SLIT3: variants seen among roughly 807,000 people sequenced by gnomAD.
SLIT3 encodes the protein slit homolog 3 protein.
A neutral mutation model predicts 184.0 loss-of-function variants in SLIT3; 68 were observed. The ratio of observed to expected loss-of-function variants is 0.37; its 90% CI spans 0.30 to 0.45. The LOEUF is 0.45. SLIT3 is among the 20% of genes least tolerant of loss of function. The probability of loss-of-function intolerance (pLI) is 1.00; values close to 1 mark genes in which losing one functional copy is unlikely to be tolerated. For missense variants in SLIT3, 1,707 were observed against 2,026.0 expected (o/e 0.84, Z 3.02); for synonymous variants, 831 against 828.6 (o/e 1.00, Z -0.05).
intron 4 of SLIT3, among the ~76,000 whole-genome samples, chr5:168,909,513 C>G (rs539517194): frequency 6.6e-6 from 1 of 152,226 alleles, no homozygotes; most frequent in East Asian, 1.9e-4. Context: ...ACACTAAGGC[C>G]CCTGTGTCCA....
intron 8 of SLIT3, among the ~76,000 whole-genome samples, chr5:168,811,258 T>C (rs2113643250): frequency 6.6e-6 from 1 of 152,304 alleles, no homozygotes; most frequent in South Asian, 2.1e-4. Context: ...CAATGTGTAC[T>C]ATGTGCCAGA....
chr5:168,873,321 T>C (rs1244999201), intron 5 of SLIT3, among the ~76,000 whole-genome samples: 1 of 152,080 alleles, frequency 6.6e-6, no homozygotes, highest in African/African-American at 2.4e-5. Flanking sequence ...GCAAGACTGT[T>C]GCAGTAATTA....
intron 6 of SLIT3, among the ~76,000 whole-genome samples, chr5:168,834,790 T>C (rs1324472407): frequency 5.4e-5 from 8 of 148,782 alleles, no homozygotes; most frequent in Non-Finnish European, 1.2e-4. Context: ...AAAGACACTG[T>C]TTAAACATTC....
intron 27 of SLIT3, among the ~76,000 whole-genome samples, chr5:168,697,403 G>C (rs1342766840): frequency 6.6e-6 from 1 of 152,238 alleles, no homozygotes; most frequent in Non-Finnish European, 1.5e-5. Flanking sequence ...GGTTAGAACA[G>C]ATAAAGGCCA....
At chr5:168,887,026 T>TTATTGC (rs61239597) in intron 4 of SLIT3, among the ~76,000 whole-genome samples, 69,549 of 151,384 alleles carry the variant, frequency 0.46, 16,710 homozygotes, top group Non-Finnish European at 0.53. Flanking sequence ...CGCAAATTTA[T>TTATTGC]TATTGCTTCA....
At chr5:168,977,186 G>T (rs1223692232) in intron 4 of SLIT3, among the ~76,000 whole-genome samples, 1 of 152,162 alleles carries the variant, frequency 6.6e-6, no homozygotes, top group African/African-American at 2.4e-5. Flanking sequence ...TGATAATGAT[G>T]GGGGGATGGG....
chr5:168,820,808 T>A (rs1168092616), intron 7 of SLIT3, among the ~76,000 whole-genome samples: 1 of 152,222 alleles, frequency 6.6e-6, no homozygotes. Context: ...AAATTAAATT[T>A]CCAGCAAATC....
At chr5:168,948,327 G>A (rs1216777835) in intron 4 of SLIT3, among the ~76,000 whole-genome samples, 1 of 152,120 alleles carries the variant, frequency 6.6e-6, no homozygotes, top group Non-Finnish European at 1.5e-5. Flanking sequence ...GGATTTTTGG[G>A]TTCAGAGGAG....
At chr5:169,054,490 C>G (rs1238016958) in intron 4 of SLIT3, among the ~76,000 whole-genome samples, 1 of 152,128 alleles carries the variant, frequency 6.6e-6, no homozygotes, top group Non-Finnish European at 1.5e-5. Context: ...CTATTACACC[C>G]CTCTTGTCCA....
intron 4 of SLIT3, among the ~76,000 whole-genome samples, chr5:169,082,095 A>G (rs1428826203): frequency 6.6e-6 from 1 of 152,188 alleles, no homozygotes; most frequent in African/African-American, 2.4e-5. Flanking sequence ...AAGGAAAACA[A>G]CTCGGAGAGG....
chr5:168,797,414 A>G (rs1185063313), intron 9 of SLIT3, among the ~76,000 whole-genome samples: 1 of 152,228 alleles, frequency 6.6e-6, no homozygotes, highest in East Asian at 1.9e-4. Context: ...GTCTGTAACA[A>G]CGGCAATCCC....
chr5:168,683,890 C>A (rs1406775679), intron 32 of SLIT3, 76 bp downstream of exon 32: 29 of 1,335,516 alleles, frequency 2.2e-5, no homozygotes, highest in Non-Finnish European at 2.8e-5. Context: ...CCTGAATCCC[C>A]CTTCTGAGTT....
intron 4 of SLIT3, among the ~76,000 whole-genome samples, chr5:168,985,019 C>T (rs62378592): frequency 0.05 from 7,573 of 152,220 alleles, 213 homozygotes; most frequent in Non-Finnish European, 0.057. Flanking sequence ...AACAAGAAAC[C>T]GGTAAGGGAG....
In SLIT3 at chr5:168,749,389, G is replaced by C; in HGVS notation, c.2137+83C>G. 3 of 1,501,024 alleles carry C rather than the reference G, an allele frequency of 2.0e-6. No homozygotes were observed. In the South Asian group the frequency reaches 3.6e-5, roughly 18 times the overall value. 93.0% of individuals were successfully genotyped at this position (1,501,024 alleles called of 1,614,324 possible). On this transcript the variant is annotated intron_variant, in intron 19 of 35. Coordinates refer to ENST00000519560, the MANE Select transcript of SLIT3 (RefSeq NM_003062.4). Reference sequence around the variant, plus strand: ...CAAAGCAAAGTGGAATTGGATCTCAGGGAGTATCTGATTGTGCATCTTCGC... The same window carrying C: ...CAAAGCAAAGTGGAATTGGATCTCACGGAGTATCTGATTGTGCATCTTCGC...
chr5:169,055,884 T>G (rs1302385633), intron 4 of SLIT3, among the ~76,000 whole-genome samples: 1 of 151,218 alleles, frequency 6.6e-6, no homozygotes, highest in South Asian at 2.1e-4. Flanking sequence ...AAGTAGACAG[T>G]GTTCAAAACA....
At chr5:169,217,130 TAAAAAA>T (rs55757348) in intron 3 of SLIT3, among the ~76,000 whole-genome samples, 6 of 126,934 alleles carry the variant, frequency 4.7e-5, no homozygotes, top group African/African-American at 1.2e-4. Context: ...TTGAGTAGGT[TAAAAAA>T]AAAAAAAAAA....
chr5:169,026,080 T>C (rs979341756), intron 4 of SLIT3, among the ~76,000 whole-genome samples: 2 of 152,136 alleles, frequency 1.3e-5, no homozygotes, highest in African/African-American at 4.8e-5. Context: ...AGCAATTTCA[T>C]AGATGGGGAA....
intron 1 of SLIT3, among the ~76,000 whole-genome samples, chr5:169,256,795 G>A (rs1051277010): frequency 3.3e-5 from 5 of 152,152 alleles, no homozygotes; most frequent in Non-Finnish European, 7.4e-5. Context: ...GGGGCAGAAG[G>A]CTCCCGAGTT....
At chr5:169,215,922 T>C (rs1461264691) in intron 3 of SLIT3, among the ~76,000 whole-genome samples, 1 of 152,218 alleles carries the variant, frequency 6.6e-6, no homozygotes, top group Non-Finnish European at 1.5e-5. Flanking sequence ...TTTAAACATT[T>C]TACATTGATT....
Sources: allele counts gnomAD v4.1 joint callset (sites outside exome capture counted in the v4.1 genomes callset), GRCh38; gene constraint gnomAD v4.1.1; transcripts MANE v1.5; gene names NCBI Gene and HGNC (gene_info 2026-07-23, HGNC 2026-07-21).